IL1RAPL1: variants seen among roughly 807,000 people sequenced by gnomAD.
IL1RAPL1 encodes the protein interleukin 1 receptor accessory protein like 1, also known as interleukin-1 receptor accessory protein-like 1.
In IL1RAPL1, 3 loss-of-function variants were observed where a neutral mutation model predicts 48.4. That is an observed-to-expected ratio of 0.06 (90% CI 0.03 to 0.16). The LOEUF is 0.16. Among genes scored for constraint, IL1RAPL1 ranks in the 10% least tolerant of loss-of-function variants. The pLI, the probability that IL1RAPL1 is intolerant of heterozygous loss-of-function variation, is 1.00. For synonymous variants in IL1RAPL1, 185 were observed against 187.7 expected (o/e 0.99, Z 0.12); for missense variants, 349 against 530.6 (o/e 0.66, Z 3.36).
chrX:29,248,072 T>C (rs2147571155), intron 2 of IL1RAPL1, among the ~76,000 whole-genome samples: 1 of 111,435 alleles, frequency 9.0e-6, no homozygotes, highest in Admixed American at 9.6e-5. Context: ...CAGTTCAAGG[T>C]GTTTCCAATT....
intron 6 of IL1RAPL1, among the ~76,000 whole-genome samples, chrX:29,793,277 T>A (rs1929674636): frequency 8.9e-6 from 1 of 112,189 alleles, no homozygotes. Flanking sequence ...CAGAAGGTAC[T>A]TCTCTATTAT....
intron 2 of IL1RAPL1, among the ~76,000 whole-genome samples, chrX:28,964,095 T>A (rs1312033162): frequency 9.0e-6 from 1 of 111,521 alleles, no homozygotes; most frequent in African/African-American, 3.3e-5. Context: ...TCCTTGAAAA[T>A]ATTTTAATAC....
intron 2 of IL1RAPL1, among the ~76,000 whole-genome samples, chrX:28,949,594 G>C (rs1924396384): frequency 9.0e-6 from 1 of 111,267 alleles, no homozygotes; most frequent in Admixed American, 9.6e-5. Context: ...ATCCTCTCCA[G>C]CACCTGTTGT....
chrX:29,855,352 G>A (rs747392481), intron 6 of IL1RAPL1, among the ~76,000 whole-genome samples: 2 of 112,172 alleles, frequency 1.8e-5, no homozygotes, highest in South Asian at 3.7e-4. Context: ...GCTCATATGC[G>A]CATGCGTGCA....
chrX:29,704,829 C>T (rs1424032606), intron 6 of IL1RAPL1, among the ~76,000 whole-genome samples: 1 of 112,028 alleles, frequency 8.9e-6, no homozygotes, highest in East Asian at 2.8e-4. Context: ...ATTGTCTTAT[C>T]TTCTTTGATC....
At chrX:29,307,707 C>T (rs1421360814) in intron 3 of IL1RAPL1, among the ~76,000 whole-genome samples, 1 of 112,022 alleles carries the variant, frequency 8.9e-6, no homozygotes, top group Non-Finnish European at 1.9e-5. Context: ...TATCTAAGCA[C>T]TTATCTTATT....
At chrX:29,090,670 C>G (rs1240933844) in intron 2 of IL1RAPL1, among the ~76,000 whole-genome samples, 2 of 111,812 alleles carry the variant, frequency 1.8e-5, no homozygotes, top group African/African-American at 6.5e-5. Flanking sequence ...CTCTCTCAGT[C>G]AGAAATCAGG....
intron 6 of IL1RAPL1, among the ~76,000 whole-genome samples, chrX:29,908,078 C>CATT (rs1932678691): frequency 9.0e-6 from 1 of 110,634 alleles, no homozygotes; most frequent in Non-Finnish European, 1.9e-5. Flanking sequence ...TTTATTGCTA[C>CATT]AAATCATGTA....
At chrX:29,402,513 C>T (rs756924573) in intron 5 of IL1RAPL1, among the ~76,000 whole-genome samples, 3 of 111,793 alleles carry the variant, frequency 2.7e-5, no homozygotes, top group East Asian at 2.8e-4. Flanking sequence ...GATTTTAGAA[C>T]GGTTTTAGAT....
intron 6 of IL1RAPL1, among the ~76,000 whole-genome samples, chrX:29,884,191 C>G (rs984556292): frequency 2.7e-5 from 3 of 111,970 alleles, no homozygotes; most frequent in Admixed American, 1.9e-4. Context: ...TCATTCGAGA[C>G]AAACCCTATT....
intron 5 of IL1RAPL1, among the ~76,000 whole-genome samples, chrX:29,455,389 A>C (rs1278060503): frequency 8.9e-6 from 1 of 111,989 alleles, no homozygotes; most frequent in Non-Finnish European, 1.9e-5. Context: ...GTGGTACTTG[A>C]AATTTTAAAA....
chrX:28,809,720 A>T (rs1319286445), intron 2 of IL1RAPL1, among the ~76,000 whole-genome samples: 1 of 110,174 alleles, frequency 9.1e-6, no homozygotes, highest in East Asian at 2.9e-4. Flanking sequence ...TTTTATTCTC[A>T]GTGTAATGCA....
At chrX:28,722,053 G>A (rs1935591366) in intron 1 of IL1RAPL1, among the ~76,000 whole-genome samples, 1 of 111,563 alleles carries the variant, frequency 9.0e-6, no homozygotes, top group Admixed American at 9.6e-5. Flanking sequence ...TGTTCTTTTG[G>A]CTTAGGATTG....
intron 2 of IL1RAPL1, among the ~76,000 whole-genome samples, chrX:29,055,954 T>A (rs1350273695): frequency 8.9e-6 from 1 of 111,952 alleles, no homozygotes; most frequent in African/African-American, 3.2e-5. Context: ...CTCACTTGAG[T>A]AATTAATCGA....
intron 7 of IL1RAPL1, 148 bp downstream of exon 7, chrX:29,917,744 T>C: frequency 2.1e-6 from 1 of 465,133 alleles, no homozygotes; most frequent in Non-Finnish European, 3.7e-6. Flanking sequence ...CAAAACACTG[T>C]TAACAGACTT....
chrX:28,644,227 C>T (rs1451771628), intron 1 of IL1RAPL1, among the ~76,000 whole-genome samples: 1 of 111,206 alleles, frequency 9.0e-6, no homozygotes, highest in East Asian at 2.8e-4. Flanking sequence ...ATAGCTCTTA[C>T]ATTTTTGTCA....
chrX:28,738,099 C>T (rs186178291), intron 1 of IL1RAPL1, among the ~76,000 whole-genome samples: 44 of 111,300 alleles, frequency 4.0e-4, no homozygotes, highest in Non-Finnish European at 6.6e-4. Context: ...CAATTTGCAG[C>T]CAGAAAATCA....
rs372068097 is a variant in IL1RAPL1, at chrX:29,714,474, C to T, written c.778+45970C>T. On this transcript the variant is annotated intron_variant, in intron 6 of 10. Coordinates refer to ENST00000378993, the MANE Select transcript of IL1RAPL1 (RefSeq NM_014271.4). Reference sequence around the variant, plus strand: ...TTACAGAAAAATAGCTTGGAAATTCCGTAACAAAGATGAAATAGTCTATTT... The same window carrying T: ...TTACAGAAAAATAGCTTGGAAATTCTGTAACAAAGATGAAATAGTCTATTT... Among the ~76,000 whole-genome samples the T allele has an allele frequency of 2.7e-4, 30 of 111,828 alleles. No homozygotes were observed. In the East Asian group the frequency reaches 5.7e-3, roughly 21 times the overall value.
chrX:29,586,056 T>A (rs1923147580), intron 5 of IL1RAPL1, among the ~76,000 whole-genome samples: 1 of 111,270 alleles, frequency 9.0e-6, no homozygotes, highest in South Asian at 3.8e-4. Context: ...TTTTAAGTAG[T>A]CCCTCTTGTT....
Sources: gnomAD v4.1 joint callset for allele counts (sites outside exome capture counted in the v4.1 genomes callset) on GRCh38, gnomAD v4.1.1 for gene constraint, MANE v1.5 for transcripts, NCBI Gene and HGNC (gene_info 2026-07-23, HGNC 2026-07-21) for gene names.